The following PANK3 variants were observed in gnomAD, a reference collection of about 807,000 sequenced individuals.
The protein encoded by PANK3 is hPanK3.
A neutral mutation model predicts 39.4 loss-of-function variants in PANK3; 20 were observed. The ratio of observed to expected loss-of-function variants is 0.51; its 90% CI spans 0.36 to 0.74. The LOEUF is 0.74. Ranked by LOEUF, PANK3 falls within the 30% of genes least tolerant of loss-of-function variation. The probability of loss-of-function intolerance (pLI) is 0.00; values close to 1 mark genes in which losing one functional copy is unlikely to be tolerated. For missense variants in PANK3, 265 were observed against 437.0 expected, an observed-to-expected ratio of 0.61 and a Z score of 3.51; for synonymous variants, 140 against 157.3, an observed-to-expected ratio of 0.89 and a Z score of 0.82.
At chr5:168,578,389 G>A (rs1014440918) in intron 1 of PANK3, among the ~76,000 whole-genome samples, 1 of 152,166 alleles carries the variant, frequency 6.6e-6, no homozygotes, top group Non-Finnish European at 1.5e-5. Flanking sequence ...ATGAAACACT[G>A]TAAAAACAGC....
chr5:168,574,861 CA>C (rs919772510), intron 1 of PANK3, among the ~76,000 whole-genome samples: 6 of 149,268 alleles, frequency 4.0e-5, no homozygotes, highest in African/African-American at 1.2e-4. Context: ...GACTCCATCT[CA>C]AAAAAAAAGA....
At chr5:168,576,035 A>C (rs1366133702) in intron 1 of PANK3, among the ~76,000 whole-genome samples, 1 of 152,238 alleles carries the variant, frequency 6.6e-6, no homozygotes. Flanking sequence ...TCTGAAATAG[A>C]CTTAAGAAAA....
At position 168,553,440 on chromosome 5, in the gene PANK3, C is replaced by A; in HGVS notation, c.*4131G>T. 2.4e-6 allele frequency: 1 copy of A among 412,738 alleles called. No homozygotes were observed. The highest frequency in any genetic ancestry group is 2.8e-5 in the Admixed American group (1 of 35,308). The allele number at this position is 412,738 out of a possible 1,614,324, so 25.6% of individuals were successfully genotyped here. On this transcript the variant is annotated 3_prime_UTR_variant, in exon 7 of 7. Coordinates refer to ENST00000239231, the MANE Select transcript of PANK3 (RefSeq NM_024594.4). ...CCAACAAATTATGATAAGCATTGAA[C>A]TGCACCTGCCAAAGTGGTTGACAAA...
intron 3 of PANK3, 32 bp downstream of exon 3, chr5:168,565,981 G>A: frequency 6.3e-7 from 1 of 1,581,894 alleles, no homozygotes; most frequent in Non-Finnish European, 8.6e-7. Context: ...AAAACAATGT[G>A]AATGCAGCAA....
rs1168072537 is a variant in PANK3 at position 168,567,770 on chromosome 5, C to T, written c.381+876G>A. On this transcript the variant is annotated intron_variant, in intron 2 of 6. Coordinates refer to ENST00000239231, the MANE Select transcript of PANK3 (RefSeq NM_024594.4). ...GAGTGGCTGGGACTACAAGCACAGG[C>T]CACTATGCTGAGCTAATTTTTTTAT... Among the ~76,000 whole-genome samples, 10 of 152,086 alleles carry T rather than the reference C, an allele frequency of 6.6e-5. No homozygotes were observed. In the South Asian group the frequency reaches 1.4e-3, roughly 22 times the overall value.
Position 168,553,958 on chromosome 5 carries a change from C to G in PANK3, c.*3613G>C, listed in dbSNP as rs1016406152. On this transcript the variant is annotated 3_prime_UTR_variant, in exon 7 of 7. Transcript: ENST00000239231. ...ACAACGGCAACAAAACCACGTTTAT[C>G]CCAAATAAATGTTACAGGAATCTAA... The G allele has an allele frequency of 2.6e-5, 4 of 152,186 alleles. No homozygotes were observed. The highest frequency in any genetic ancestry group is 9.7e-5 in the African/African-American group (4 of 41,430). The allele number at this position is 152,186 out of a possible 1,614,324, so 9.4% of individuals were successfully genotyped here.
At chr5:168,559,749 A>G (rs571893283) in intron 5 of PANK3, among the ~76,000 whole-genome samples, 1 of 152,198 alleles carries the variant, frequency 6.6e-6, no homozygotes, top group African/African-American at 2.4e-5. Context: ...TTAGTTGATA[A>G]GTAGCAAACT....
At chr5:168,575,304 G>A (rs1759714615) in intron 1 of PANK3, among the ~76,000 whole-genome samples, 2 of 152,146 alleles carry the variant, frequency 1.3e-5, no homozygotes, top group South Asian at 2.1e-4. Context: ...CTTACCAGAC[G>A]CATTATATAT....
At chr5:168,570,300 G>T (rs1346848641) in intron 1 of PANK3, among the ~76,000 whole-genome samples, 1 of 151,616 alleles carries the variant, frequency 6.6e-6, no homozygotes, top group Admixed American at 6.6e-5. Context: ...CAGGAGAATG[G>T]CGTGAACCCG....
chr5:168,563,847 A>G, intron 4 of PANK3, 42 bp downstream of exon 4: 2 of 1,515,458 alleles, frequency 1.3e-6, no homozygotes, highest in Non-Finnish European at 1.8e-6. Flanking sequence ...AACTTGAATT[A>G]CTTAACTTCT....
At chr5:168,561,139 T>C (rs1407736316) in intron 5 of PANK3, among the ~76,000 whole-genome samples, 1 of 152,202 alleles carries the variant, frequency 6.6e-6, no homozygotes, top group Admixed American at 6.5e-5. Flanking sequence ...CCTCAAGGGA[T>C]TTAGGTTGTG....
chr5:168,564,068 A>G lies in PANK3; in HGVS notation c.636-3T>C. ...CCAGAAAGGTACCCCCTCCAAGGCT[A>G]AAGAAAATAAAGAAACTTGCTAAGT... On this transcript the variant is annotated splice_region_variant and splice_polypyrimidine_tract_variant and intron_variant, in intron 3 of 6. Transcript: ENST00000239231. 1.3e-6 allele frequency: 2 copies of G among 1,579,016 alleles called. No homozygotes were observed. Among genetic ancestry groups the G allele is most frequent in the Non-Finnish European group, 1.7e-6 (2 of 1,168,786 alleles).
rs577301932 is a variant in PANK3, at chr5:168,565,537, T to C, written c.635+476A>G. On this transcript the variant is annotated intron_variant, in intron 3 of 6. Transcript: ENST00000239231. ...AAAAAAGAACAAAATATAAACATAA[T>C]AAAGTTTAAAATCAATAGAACACTG... Among the ~76,000 whole-genome samples the C allele has an allele frequency of 4.6e-5, 7 of 152,154 alleles. No individual in the cohort carries two copies. The East Asian group carries it at 1.4e-3, about 29-fold the overall frequency.
At chr5:168,566,877 G>A (rs1759543657) in intron 2 of PANK3, among the ~76,000 whole-genome samples, 1 of 152,064 alleles carries the variant, frequency 6.6e-6, no homozygotes, top group Non-Finnish European at 1.5e-5. Flanking sequence ...CAAGTAGCTG[G>A]GATTGCAGGC....
chr5:168,566,219 T>A lies in PANK3; in HGVS notation c.429A>T (p.Val143=). The change falls in exon 3 of 7, where the codon GTA becomes GTT. Residue 143 remains valine (V), a synonymous_variant. Transcript: ENST00000239231. ...CAGAGTCTATATACAGCAAGCCCTT[T>A]ACAAGGCAGTCAAGTTCATCCAGTT... ...LHKLDELDCL[V]KGLLYIDSVS... 2 of 1,612,556 alleles carry A rather than the reference T, an allele frequency of 1.2e-6. No individual in the cohort carries two copies. The highest frequency in any genetic ancestry group is 1.7e-6 in the Non-Finnish European group (2 of 1,178,772).
rs966001618 is a variant in PANK3, at chr5:168,549,405, T to C, written c.*8166A>G. ...GAAATAATCCCAAATTATTTTACAT[T>C]ATTTATGTATACTTTACAAATAACA... On this transcript the variant is annotated 3_prime_UTR_variant, in exon 7 of 7. Transcript: ENST00000239231. The C allele has an allele frequency of 1.3e-5, 2 of 152,242 alleles. No individual in the cohort carries two copies. The highest frequency in any genetic ancestry group is 4.8e-5 in the African/African-American group (2 of 41,464). 9.4% of individuals were successfully genotyped at this position (152,242 alleles called of 1,614,324 possible).
At chr5:168,576,315 C>CA (rs1434747508) in intron 1 of PANK3, among the ~76,000 whole-genome samples, 1 of 152,190 alleles carries the variant, frequency 6.6e-6, no homozygotes, top group Non-Finnish European at 1.5e-5. Flanking sequence ...AGCACAAACT[C>CA]AAAACCTACA....
At chr5:168,562,409 T>C (rs17664767) in intron 4 of PANK3, among the ~76,000 whole-genome samples, 1,609 of 152,186 alleles carry the variant, frequency 0.011, 96 homozygotes, top group Admixed American at 0.092. Flanking sequence ...AAATGAGAAA[T>C]GAAAACATCT....
At position 168,566,192 on chromosome 5, in the gene PANK3, G is replaced by C; in HGVS notation, c.456C>G (p.Val152=). 6.2e-7 allele frequency: 1 copy of C among 1,614,034 alleles called. No individual in the cohort carries two copies. The highest frequency in any genetic ancestry group is 8.5e-7 in the Non-Finnish European group (1 of 1,180,002). ...LVKGLLYIDS[V]SFNGQAECYY... ...AGCACTCGGCTTGTCCATTGAAACT[G>C]ACAGAGTCTATATACAGCAAGCCCT... Residue 152 remains valine (V), a synonymous_variant, in exon 3 of 7, where the codon GTC becomes GTG. Transcript: ENST00000239231.
Sources: gnomAD v4.1 joint callset for allele counts (sites outside exome capture counted in the v4.1 genomes callset) on GRCh38, gnomAD v4.1.1 for gene constraint, MANE v1.5 for transcripts, NCBI Gene and HGNC (gene_info 2026-07-23, HGNC 2026-07-21) for gene names.